SNX29: variants seen among roughly 807,000 people sequenced by gnomAD.
SNX29 encodes sorting nexin 29.
In SNX29, 78 loss-of-function variants were observed where a neutral mutation model predicts 102.1. The observed-to-expected ratio is 0.76, with a 90% confidence interval of 0.64 to 0.92. SNX29 has a LOEUF of 0.92. Ranked by LOEUF, SNX29 falls within the 40% of genes least tolerant of loss-of-function variation. SNX29 has a pLI of 0.00. For synonymous variants in SNX29, 580 were observed against 414.5 expected (o/e 1.40, Z -4.85); for missense variants, 1,280 against 1,061.7 (o/e 1.21, Z -2.86).
At chr16:12,459,605 G>A (rs374753735) in intron 18 of SNX29, among the ~76,000 whole-genome samples, 1 of 152,200 alleles carries the variant, frequency 6.6e-6, no homozygotes, top group Admixed American at 6.5e-5. Context: ...CTGCATGCAC[G>A]TGGGGCTGGG....
intron 20 of SNX29, among the ~76,000 whole-genome samples, chr16:12,545,312 C>T (rs182590792): frequency 1.1e-4 from 17 of 151,016 alleles, no homozygotes; most frequent in Admixed American, 7.2e-4. Flanking sequence ...CTGGAAGACT[C>T]GCATCCACCA....
chr16:12,001,367 C>A (rs2056281112), intron 2 of SNX29, among the ~76,000 whole-genome samples: 1 of 152,146 alleles, frequency 6.6e-6, no homozygotes, highest in African/African-American at 2.4e-5. Flanking sequence ...CCCAACTCGG[C>A]CGTCCTAACT....
At chr16:12,464,911 C>G (rs1352587672) in intron 18 of SNX29, among the ~76,000 whole-genome samples, 4 of 152,360 alleles carry the variant, frequency 2.6e-5, no homozygotes, top group Non-Finnish European at 4.4e-5. Flanking sequence ...CTCACCAACA[C>G]TTGTCTCTTA....
intron 20 of SNX29, among the ~76,000 whole-genome samples, chr16:12,533,700 C>G (rs2076992857): frequency 6.6e-6 from 1 of 152,120 alleles, no homozygotes; most frequent in African/African-American, 2.4e-5. Context: ...CGACTGGATG[C>G]CTTGGCAAAC....
At chr16:12,027,028 C>G (rs923270126) in intron 3 of SNX29, among the ~76,000 whole-genome samples, 6 of 152,222 alleles carry the variant, frequency 3.9e-5, no homozygotes, top group Admixed American at 1.3e-4. Flanking sequence ...TGCACCCCCG[C>G]CAGCTGGCAC....
intron 9 of SNX29, among the ~76,000 whole-genome samples, chr16:12,066,362 C>T (rs1158412109): frequency 6.6e-6 from 1 of 152,140 alleles, no homozygotes; most frequent in African/African-American, 2.4e-5. Flanking sequence ...TTGGATCCCC[C>T]TGGCTCTGTG....
At chr16:12,517,769 G>C (rs905647911) in intron 19 of SNX29, among the ~76,000 whole-genome samples, 11 of 152,102 alleles carry the variant, frequency 7.2e-5, no homozygotes, top group Non-Finnish European at 2.9e-5. Context: ...AGGAAGCAAC[G>C]AGTGCTTTGA....
rs763231067 is a variant in SNX29, at chr16:12,048,381, C to G, written c.509C>G (p.Ser170Cys). 2.5e-6 allele frequency: 4 copies of G among 1,613,786 alleles called. No individual in the cohort carries two copies. Among genetic ancestry groups the G allele is most frequent in the Non-Finnish European group, 3.4e-6 (4 of 1,179,866 alleles). ...CCCTTTTTTTGGGCAGGTCTGAACT[C>G]CATACTCTTTGCGATTAACATCGAC... ...MLPTMAAGLNSILFAINIDNK... is the reference protein window; with the variant it reads ...MLPTMAAGLNCILFAINIDNK... Residue 170 changes from serine (S) to cysteine (C), a missense_variant, in exon 7 of 21, where the codon TCC becomes TGC. Physicochemically the swap from Ser to Cys is moderately radical, Grantham distance 112. Coordinates refer to ENST00000566228, the MANE Select transcript of SNX29 (RefSeq NM_032167.5).
intron 9 of SNX29, among the ~76,000 whole-genome samples, chr16:12,064,386 C>T (rs1198188433): frequency 6.6e-6 from 1 of 152,196 alleles, no homozygotes; most frequent in Non-Finnish European, 1.5e-5. Context: ...AGAGTCCTTG[C>T]AGATTTCCTG....
chr16:12,126,238 C>G (rs991608055), intron 11 of SNX29, among the ~76,000 whole-genome samples: 1 of 152,220 alleles, frequency 6.6e-6, no homozygotes, highest in Non-Finnish European at 1.5e-5. Context: ...TGATACTGAT[C>G]AGTAGTACTT....
chr16:12,447,038 G>A (rs1291512434), intron 18 of SNX29, among the ~76,000 whole-genome samples: 2 of 151,602 alleles, frequency 1.3e-5, no homozygotes, highest in East Asian at 1.9e-4. Flanking sequence ...GTGGTGGCAC[G>A]CATCTGTAGT....
At chr16:12,383,655 C>T (rs573325667) in intron 16 of SNX29, among the ~76,000 whole-genome samples, 9 of 151,600 alleles carry the variant, frequency 5.9e-5, no homozygotes, top group African/African-American at 1.7e-4. Flanking sequence ...AGGCTGGTCT[C>T]GAATTCCTGA....
intron 14 of SNX29, among the ~76,000 whole-genome samples, chr16:12,222,498 C>G (rs968228262): frequency 6.6e-6 from 1 of 152,190 alleles, no homozygotes; most frequent in Non-Finnish European, 1.5e-5. Flanking sequence ...TCCCGCTGGG[C>G]TTCTGGTGCA....
intron 13 of SNX29, among the ~76,000 whole-genome samples, chr16:12,170,996 G>A (rs977387898): frequency 6.6e-6 from 1 of 152,016 alleles, no homozygotes. Context: ...TGTTAGGGGC[G>A]CAGCGTGATT....
rs754562645 is a variant in SNX29, at chr16:12,027,453, C to T, written c.247+9C>T. On this transcript the variant is annotated intron_variant, in intron 4 of 20. Coordinates refer to ENST00000566228, the MANE Select transcript of SNX29 (RefSeq NM_032167.5). ...CAGCAAAACCGAAACAGGTACTGCT[C>T]TGCCTGGCTGTAGCTTGGAGGAGCT... The T allele has an allele frequency of 6.2e-7, 1 of 1,613,346 alleles. No homozygotes were observed. Among genetic ancestry groups the T allele is most frequent in the East Asian group, 2.2e-5 (1 of 44,888 alleles).
intron 19 of SNX29, among the ~76,000 whole-genome samples, chr16:12,490,827 A>G (rs1005722940): frequency 4.6e-5 from 7 of 152,258 alleles, no homozygotes; most frequent in African/African-American, 1.7e-4. Flanking sequence ...AATGTAATGA[A>G]CACACACGTA....
At chr16:12,352,523 A>C (rs1421420599) in intron 15 of SNX29, among the ~76,000 whole-genome samples, 1 of 152,232 alleles carries the variant, frequency 6.6e-6, no homozygotes, top group African/African-American at 2.4e-5. Context: ...TAAAAAAAAA[A>C]ATTTGATAGA....
At chr16:12,539,587 C>A (rs185199484) in intron 20 of SNX29, among the ~76,000 whole-genome samples, 2 of 152,284 alleles carry the variant, frequency 1.3e-5, no homozygotes, top group East Asian at 1.9e-4. Context: ...GTTTTCATTT[C>A]TGTGCGGCAA....
intron 11 of SNX29, among the ~76,000 whole-genome samples, chr16:12,112,225 T>G (rs1308855004): frequency 6.6e-6 from 1 of 151,996 alleles, no homozygotes; most frequent in Non-Finnish European, 1.5e-5. Flanking sequence ...GTCCTGAGAG[T>G]GCCCAGTCAC....
Sources: allele counts gnomAD v4.1 joint callset (sites outside exome capture counted in the v4.1 genomes callset), GRCh38; gene constraint gnomAD v4.1.1; transcripts MANE v1.5; gene names NCBI Gene and HGNC (gene_info 2026-07-23, HGNC 2026-07-21).